The following TNK1 variants were observed in gnomAD, a reference collection of about 807,000 sequenced individuals.
TNK1 encodes the protein non-receptor tyrosine-protein kinase TNK1.
TNK1 carries 53 observed loss-of-function variants against 65.2 expected under a neutral mutation model. The observed-to-expected ratio is 0.81, with a 90% CI of 0.65 to 1.02. The LOEUF is 1.02. TNK1 is among the 50% of genes least tolerant of loss of function. The pLI is 0.00. For missense variants in TNK1, 837 were observed against 878.4 expected (o/e 0.95, Z 0.60); for synonymous variants, 353 against 364.6 (o/e 0.97, Z 0.36).
At position 7,382,281 on chromosome 17, in the gene TNK1, G is replaced by T. The variant is rs974716051; in HGVS notation, c.-91-555G>T. ...ACTCCGTCTCAAAAAAAAAAAAAAA[G>T]AGGACATGTATTTGGGAGTCTCGGC... On this transcript the variant is annotated intron_variant, in intron 1 of 12. Transcript: ENST00000688331. This position sits in a 1 kb window ranked among gnomAD's most constrained non-coding sequence, Gnocchi z 4.1. Among the ~76,000 whole-genome samples the T allele has an allele frequency of 8.5e-6, 1 of 117,992 alleles. No homozygotes were observed. Among genetic ancestry groups the T allele is most frequent in the African/African-American group, 3.1e-5 (1 of 31,956 alleles). 77.4% of individuals were successfully genotyped at this position (117,992 alleles called of 152,430 possible).
intron 7 of TNK1, among the ~76,000 whole-genome samples, chr17:7,386,281 AG>A (rs1462944140): frequency 6.6e-6 from 1 of 152,106 alleles, no homozygotes; most frequent in Non-Finnish European, 1.5e-5. Context: ...CTGCTCTGAC[AG>A]GCCTGGATGT....
At chr17:7,386,912 T>G in intron 8 of TNK1, 78 bp from the exon 9 acceptor site, 1 of 1,462,028 alleles carries the variant, frequency 6.8e-7, no homozygotes, top group African/African-American at 1.4e-5. Context: ...CATAGCCTAG[T>G]GAGCTGACTG....
At position 7,388,747 on chromosome 17, in the gene TNK1, A is replaced by G; in HGVS notation, c.1777-41A>G. ...TGGCCTGGTGTCCAGAAGGGGCTAC[A>G]GGCAGGGGCAGGGGCCTGAGTGAGG... On this transcript the variant is annotated intron_variant, in intron 11 of 12. Transcript: ENST00000688331. The surrounding 1 kb of genome is among the most constrained non-coding windows in gnomAD (Gnocchi z 4.5). 5.6e-6 allele frequency: 9 copies of G among 1,605,160 alleles called. No individual in the cohort carries two copies. Among genetic ancestry groups the G allele is most frequent in the Non-Finnish European group, 7.7e-6 (9 of 1,175,158 alleles).
chr17:7,388,978 A>C lies in TNK1; in HGVS notation c.1880A>C (p.Gln627Pro). ...VSAIRNLKVD[Q>P]LFHLSSRSRA... is the part of the protein sequence containing the mutation. ...ACCCTCCTGCTTCCACAGGTAGATC[A>C]GCTCTTCCACCTGAGTAGCCGGTCC... The change falls in exon 13 of 13, where the codon CAG (glutamine) becomes CCG (proline). Residue 627 changes from glutamine to proline, a missense_variant. Gln to Pro is a moderately conservative substitution (Grantham distance 76). Coordinates refer to ENST00000688331, the MANE Select transcript of TNK1 (RefSeq NM_003985.6). The surrounding 1 kb of genome is among the most constrained non-coding windows in gnomAD (Gnocchi z 4.5). 6.4e-7 allele frequency: 1 copy of C among 1,554,120 alleles called. No individual in the cohort carries two copies.
chr17:7,382,506 A>C lies in TNK1; in HGVS notation c.-91-330A>C, dbSNP rs995664368. Among the ~76,000 whole-genome samples, 1 of 151,864 alleles carries C rather than the reference A, an allele frequency of 6.6e-6. No homozygotes were observed. Among genetic ancestry groups the C allele is most frequent in the East Asian group, 1.9e-4 (1 of 5,174 alleles). ...GAGATGTCTCATGTTGGAGGAAGGG[A>C]GATGTCGTCTCAGGTGTGTATGAGT... On this transcript the variant is annotated intron_variant, in intron 1 of 12. Coordinates refer to ENST00000688331, the MANE Select transcript of TNK1 (RefSeq NM_003985.6). This position sits in a 1 kb window ranked among gnomAD's most constrained non-coding sequence, Gnocchi z 4.1.
Position 7,382,762 on chromosome 17 carries a change from C to T in TNK1, c.-91-74C>T, listed in dbSNP as rs1335544945. ...GAACATTCTATCTGGGATTTGTGTG[C>T]GTGAGTGGCAGGGATCCTGGCTGTC... On this transcript the variant is annotated intron_variant, in intron 1 of 12. Transcript: ENST00000688331. The surrounding 1 kb of genome is among the most constrained non-coding windows in gnomAD (Gnocchi z 4.1). 2.5e-5 allele frequency: 18 copies of T among 714,500 alleles called. No individual in the cohort carries two copies. The highest frequency in any genetic ancestry group is 1.1e-4 in the East Asian group (4 of 36,490). The allele number at this position is 714,500 out of a possible 1,614,324, so 44.3% of individuals were successfully genotyped here.
At chr17:7,385,713 T>G (rs189015038) in intron 7 of TNK1, among the ~76,000 whole-genome samples, 1 of 151,994 alleles carries the variant, frequency 6.6e-6, no homozygotes, top group Non-Finnish European at 1.5e-5. Flanking sequence ...TACAGGCGCC[T>G]GCCACCACGC....
At position 7,387,418 on chromosome 17, in the gene TNK1, C is replaced by T. The variant is rs567236671; in HGVS notation, c.1438C>T (p.Arg480Trp). The stretch of plus-strand genomic sequence containing the variant: ...AAATCTTTGGGATGCGCCCCCAGCA[C>T]GGGGCCAGAGGAGGAACATGCCCCT... ...KANLWDAPPA[R>W]GQRRNMPLER... Residue 480 changes from arginine to tryptophan, a missense_variant, in exon 10 of 13, where the codon CGG (arginine) becomes TGG (tryptophan). Arg to Trp is a moderately radical substitution (Grantham distance 101, BLOSUM62 -3). Coordinates refer to ENST00000688331, the MANE Select transcript of TNK1 (RefSeq NM_003985.6). The T allele has an allele frequency of 3.1e-5, 49 of 1,605,322 alleles. No individual in the cohort carries two copies. The highest frequency in any genetic ancestry group is 3.8e-5 in the Non-Finnish European group (45 of 1,176,280).
intron 1 of TNK1, among the ~76,000 whole-genome samples, 164 bp downstream of exon 1, chr17:7,381,278 C>G (rs1244081467): frequency 6.6e-6 from 1 of 152,194 alleles, no homozygotes; most frequent in African/African-American, 2.4e-5. Flanking sequence ...CCGCTTCCCA[C>G]CGAGCGCGCA....
rs371126872 is a variant in TNK1, at chr17:7,388,349, C to T, written c.1478-57C>T. 71 of 1,524,752 alleles carry T rather than the reference C, an allele frequency of 4.7e-5. 2 individuals are homozygous for T. The highest frequency in any genetic ancestry group is 4.5e-4 in the South Asian group (35 of 77,854). The allele number at this position is 1,524,752 out of a possible 1,614,324, so 94.5% of individuals were successfully genotyped here. On this transcript the variant is annotated intron_variant, in intron 10 of 12. Coordinates refer to ENST00000688331, the MANE Select transcript of TNK1 (RefSeq NM_003985.6). This position sits in a 1 kb window ranked among gnomAD's most constrained non-coding sequence, Gnocchi z 4.5. ...CTGAGGTGGGAGGATCGCTTGAGCC[C>T]GGGAGGCGGAGGCTGCAGCCAGCCG...
Position 7,383,779 on chromosome 17 carries a change from T to C in TNK1, c.497T>C (p.Leu166Pro). 1 of 1,613,064 alleles carries C rather than the reference T, an allele frequency of 6.2e-7. No individual in the cohort carries two copies. The highest frequency in any genetic ancestry group is 8.5e-7 in the Non-Finnish European group (1 of 1,179,510). Reference sequence around the variant, plus strand: ...ATGGGCACAGAACTGGGGGACTTCCTGCGAGAGGTATCGGTCATGATGAAC... The same window carrying C: ...ATGGGCACAGAACTGGGGGACTTCCCGCGAGAGGTATCGGTCATGATGAAC... Reference protein sequence around the residue: ...GPMGTELGDFLREVSVMMNLE... With the variant: ...GPMGTELGDFPREVSVMMNLE... The change falls in exon 5 of 13, where the codon CTG becomes CCG. Residue 166 changes from leucine (L) to proline (P), a missense_variant. Leu to Pro is a moderately conservative substitution (Grantham distance 98, BLOSUM62 -3). Transcript: ENST00000688331.
upstream of TNK1, chr17:7,381,076 C>G (rs946458725): frequency 6.6e-6 from 1 of 152,334 alleles, no homozygotes; most frequent in African/African-American, 2.4e-5. Context: ...GCCCAGGCAG[C>G]CTGGGAGGTT....
intron 7 of TNK1, among the ~76,000 whole-genome samples, 173 bp downstream of exon 7, chr17:7,384,927 G>GC (rs1257744365): frequency 6.6e-6 from 1 of 152,216 alleles, no homozygotes; most frequent in Non-Finnish European, 1.5e-5. Context: ...TGGGGAGGCA[G>GC]CTTGGGGCTA....
chr17:7,383,161 C>T, intron 2 of TNK1, 72 bp downstream of exon 2: 2 of 1,611,432 alleles, frequency 1.2e-6, no homozygotes, highest in Non-Finnish European at 8.5e-7. Context: ...CCACCACAAC[C>T]CTCTTCCAGC....
At chr17:7,383,228 C>T in intron 2 of TNK1, 22 bp from the exon 3 acceptor site, 1 of 1,613,954 alleles carries the variant, frequency 6.2e-7, no homozygotes, top group Admixed American at 1.7e-5. Context: ...TCCACTCCAG[C>T]CCTGATTCTG....
chr17:7,387,109 G>A lies in TNK1; in HGVS notation c.1352G>A (p.Arg451Lys). Residue 451 changes from arginine to lysine, a missense_variant, in exon 9 of 13, where the codon AGA becomes AAA. By Grantham distance (26) the Arg-to-Lys change is conservative. Transcript: ENST00000688331. ...TTGCCAGCCACCCGTCCAGTCCACAGAGGCACCCCTGCCCGGGGAGATCAA... is the reference window on the plus strand; with the variant it reads ...TTGCCAGCCACCCGTCCAGTCCACAAAGGCACCCCTGCCCGGGGAGATCAA... ...GGLPATRPVH[R>K]GTPARGDQHP... The A allele has an allele frequency of 6.2e-7, 1 of 1,608,614 alleles. No individual in the cohort carries two copies. The highest frequency in any genetic ancestry group is 8.5e-7 in the Non-Finnish European group (1 of 1,177,040).
rs1401480872 is a variant in TNK1, at chr17:7,382,266, A to AG, written c.-91-570_-91-569insG. Among the ~76,000 whole-genome samples, 1 of 208 alleles carries AG rather than the reference A, an allele frequency of 4.8e-3. No homozygotes were observed. The highest frequency in any genetic ancestry group is 0.023 in the Non-Finnish European group (1 of 44). 0.1% of individuals were successfully genotyped at this position (208 alleles called of 152,430 possible). A position where few individuals can be genotyped will look rare whatever the true frequency, so the allele number is the denominator to read the frequency against. ...AGATGACAGAGCGAGACTCCGTCTCAAAAAAAAAAAAAAAGAGGACATGTA... is the reference window on the plus strand; with the variant it reads ...AGATGACAGAGCGAGACTCCGTCTCAGAAAAAAAAAAAAAAGAGGACATGTA... On this transcript the variant is annotated intron_variant, in intron 1 of 12. Coordinates refer to ENST00000688331, the MANE Select transcript of TNK1 (RefSeq NM_003985.6). This position sits in a 1 kb window ranked among gnomAD's most constrained non-coding sequence, Gnocchi z 4.1.
chr17:7,384,294 G>T (rs1021629535), intron 6 of TNK1, 41 bp downstream of exon 6: 69 of 1,436,620 alleles, frequency 4.8e-5, no homozygotes, highest in Non-Finnish European at 6.1e-5. Context: ...TGAGCCGGGC[G>T]GATCCGGAGG....
chr17:7,382,868 AC>A lies in TNK1; in HGVS notation c.-56del. 2 of 1,594,274 alleles carry A rather than the reference AC, an allele frequency of 1.3e-6. No homozygotes were observed. Among genetic ancestry groups the A allele is most frequent in the Non-Finnish European group, 8.6e-7 (1 of 1,168,252 alleles). ...TGGAGACCTGGTCTCTCTAGGGCCT[AC>A]CCTGAGCTCACCATCTGAAGGAGAG... On this transcript the variant is annotated 5_prime_UTR_variant, in exon 2 of 13. Coordinates refer to ENST00000688331, the MANE Select transcript of TNK1 (RefSeq NM_003985.6). The surrounding 1 kb of genome is among the most constrained non-coding windows in gnomAD (Gnocchi z 4.1).
Sources: allele counts gnomAD v4.1 joint callset (sites outside exome capture counted in the v4.1 genomes callset), GRCh38; gene constraint gnomAD v4.1.1; non-coding constraint Gnocchi (gnomAD v3.1); transcripts MANE v1.5; gene names NCBI Gene and HGNC (gene_info 2026-07-23, HGNC 2026-07-21).